Variants in DAB1 observed in about 807,000 individuals in gnomAD.
The protein encoded by DAB1 is disabled homolog 1.
In DAB1, 15 loss-of-function variants were observed where a neutral mutation model predicts 64.6. The observed-to-expected ratio is 0.23, with a 90% CI of 0.16 to 0.36. The LOEUF is 0.36. Among genes scored for constraint, DAB1 ranks in the 10% least tolerant of loss-of-function variants. The probability of loss-of-function intolerance (pLI) is 1.00; values close to 1 mark genes in which losing one functional copy is unlikely to be tolerated. For synonymous variants in DAB1, 235 were observed against 251.9 expected (o/e 0.93, Z 0.64); for missense variants, 596 against 706.7 (o/e 0.84, Z 1.78).
At chr1:58,343,766 C>T (rs995980261) in intron 3 of DAB1, among the ~76,000 whole-genome samples, 2 of 152,126 alleles carry the variant, frequency 1.3e-5, no homozygotes, top group African/African-American at 2.4e-5. Flanking sequence ...AAATTATGTG[C>T]TTTCTAGGGT....
intron 2 of DAB1, among the ~76,000 whole-genome samples, chr1:57,164,156 C>T (rs1462119776): frequency 6.6e-6 from 1 of 152,116 alleles, no homozygotes; most frequent in East Asian, 1.9e-4. Context: ...GGTGGATAGA[C>T]ACTCCATAAA....
upstream of DAB1, among the ~76,000 whole-genome samples, chr1:57,885,638 T>C (rs955322949): frequency 1.3e-5 from 2 of 152,226 alleles, no homozygotes; most frequent in African/African-American, 4.8e-5. Flanking sequence ...TTACTTTTTT[T>C]CCACCCCTTT....
At chr1:57,453,488 A>T (rs1455139645) in intron 7 of DAB1, among the ~76,000 whole-genome samples, 1 of 152,172 alleles carries the variant, frequency 6.6e-6, no homozygotes, top group Non-Finnish European at 1.5e-5. Context: ...TCAGTATATT[A>T]TCAGAAAGCA....
intron 4 of DAB1, among the ~76,000 whole-genome samples, chr1:57,096,544 T>C (rs1654184846): frequency 6.6e-6 from 1 of 152,144 alleles, no homozygotes; most frequent in Non-Finnish European, 1.5e-5. Context: ...GAGAGCTTTG[T>C]TTTCTACTAT....
intron 5 of DAB1, among the ~76,000 whole-genome samples, chr1:58,100,359 C>T (rs1176887974): frequency 6.6e-6 from 1 of 152,208 alleles, no homozygotes; most frequent in African/African-American, 2.4e-5. Flanking sequence ...CTTTATGATT[C>T]ATGCATATTG....
rs533040089 is a variant in DAB1 at position 58,266,908 on chromosome 1, G to A, written n.309+76444C>T. On this transcript the variant is annotated intron_variant and non_coding_transcript_variant, in intron 4 of 20. Transcript: ENST00000485760. ...GGTGGTTCTCTTTTGGCTTTAGATG[G>A]AAGATGTTCAGTTTAAAATAATTCA... 3.9e-5 allele frequency among the ~76,000 whole-genome samples: 6 copies of A among 152,304 alleles called. No homozygotes were observed. The South Asian group carries it at 1.2e-3, about 32-fold the overall frequency.
intron 7 of DAB1, among the ~76,000 whole-genome samples, chr1:57,562,587 A>G (rs140280817): frequency 0.021 from 3,174 of 152,298 alleles, 130 homozygotes; most frequent in African/African-American, 0.073. Context: ...CTGAATCAGC[A>G]TCCAATATAT....
chr1:58,038,601 T>C (rs527428580), intron 5 of DAB1, among the ~76,000 whole-genome samples: 3 of 152,230 alleles, frequency 2.0e-5, no homozygotes, highest in East Asian at 1.9e-4. Flanking sequence ...ATCCAAAGCA[T>C]GCAACTGGCA....
At chr1:57,740,172 C>T (rs1385254494) in intron 6 of DAB1, among the ~76,000 whole-genome samples, 1 of 152,116 alleles carries the variant, frequency 6.6e-6, no homozygotes, top group Non-Finnish European at 1.5e-5. Flanking sequence ...CGAGATTATG[C>T]CACTGTACTC....
chr1:57,115,516 C>A (rs905590935), intron 4 of DAB1, among the ~76,000 whole-genome samples: 2 of 152,152 alleles, frequency 1.3e-5, no homozygotes, highest in Non-Finnish European at 2.9e-5. Flanking sequence ...ACATGTGGCG[C>A]TTGAAATGAG....
chr1:57,924,586 A>G (rs577993124), intron 5 of DAB1, among the ~76,000 whole-genome samples: 1 of 149,012 alleles, frequency 6.7e-6, no homozygotes, highest in Admixed American at 6.7e-5. Flanking sequence ...CAGCCTCCCG[A>G]GTAGCTGGGA....
intron 4 of DAB1, among the ~76,000 whole-genome samples, chr1:57,132,213 G>A (rs1657703829): frequency 2.0e-5 from 3 of 152,022 alleles, no homozygotes; most frequent in Admixed American, 2.0e-4. Flanking sequence ...ACACATAGCT[G>A]GTGCCCAGTA....
chr1:57,051,481 A>G (rs1294757258), intron 9 of DAB1, among the ~76,000 whole-genome samples: 3 of 152,210 alleles, frequency 2.0e-5, no homozygotes, highest in African/African-American at 7.2e-5. Context: ...TGTCCAGAGA[A>G]TTCTTGCAAT....
intron 7 of DAB1, among the ~76,000 whole-genome samples, chr1:57,462,477 A>G (rs1241946926): frequency 3.3e-5 from 5 of 152,220 alleles, no homozygotes; most frequent in Non-Finnish European, 7.3e-5. Context: ...TAAAACACAG[A>G]ACTCCAGTAC....
chr1:58,507,269 T>C (rs1437830260), intron 2 of DAB1, among the ~76,000 whole-genome samples: 4 of 151,780 alleles, frequency 2.6e-5, no homozygotes, highest in African/African-American at 9.7e-5. Context: ...TATTTTTGAT[T>C]AAAACTAAGA....
At chr1:57,570,046 T>G (rs533759551) in intron 7 of DAB1, among the ~76,000 whole-genome samples, 1 of 152,230 alleles carries the variant, frequency 6.6e-6, no homozygotes, top group East Asian at 1.9e-4. Context: ...TTGATTGGAT[T>G]GAAGGATATA....
chr1:58,514,627 A>G (rs1238193828), intron 2 of DAB1, among the ~76,000 whole-genome samples: 1 of 152,188 alleles, frequency 6.6e-6, no homozygotes, highest in Non-Finnish European at 1.5e-5. Context: ...CCACATAGAC[A>G]TGTGATAGGT....
chr1:57,593,801 C>A (rs577983142), intron 7 of DAB1, among the ~76,000 whole-genome samples: 2 of 152,336 alleles, frequency 1.3e-5, no homozygotes, highest in East Asian at 3.9e-4. Flanking sequence ...TAAATAGCGA[C>A]ACATATGTGG....
intron 7 of DAB1, among the ~76,000 whole-genome samples, chr1:57,593,350 A>G (rs1239086756): frequency 7.9e-5 from 12 of 152,226 alleles, no homozygotes; most frequent in Admixed American, 7.9e-4. Flanking sequence ...TGTTTTTCAC[A>G]GCTGAATAAT....
Sources: allele counts gnomAD v4.1 joint callset (sites outside exome capture counted in the v4.1 genomes callset), GRCh38; gene constraint gnomAD v4.1.1; transcripts MANE v1.5; gene names NCBI Gene and HGNC (gene_info 2026-07-23, HGNC 2026-07-21).